The following PREP variants were observed in gnomAD, a reference collection of about 807,000 sequenced individuals.
PREP encodes the protein dJ355L5.1 (prolyl endopeptidase).
PREP carries 29 observed loss-of-function variants against 87.6 expected under a neutral mutation model. The ratio of observed to expected loss-of-function variants is 0.33; its 90% CI spans 0.25 to 0.45. The LOEUF is 0.45. PREP is among the 20% of genes least tolerant of loss of function. The probability of loss-of-function intolerance (pLI) is 1.00; values close to 1 mark genes in which losing one functional copy is unlikely to be tolerated. For missense variants in PREP, 695 were observed against 886.5 expected, an observed-to-expected ratio of 0.78 and a Z score of 2.74; for synonymous variants, 337 against 328.6, an observed-to-expected ratio of 1.03 and a Z score of -0.28.
At chr6:105,344,778 T>C (rs1771754903) in intron 7 of PREP, among the ~76,000 whole-genome samples, 1 of 152,104 alleles carries the variant, frequency 6.6e-6, no homozygotes, top group African/African-American at 2.4e-5. Flanking sequence ...TGTATGAATA[T>C]GTAACAAACC....
intron 6 of PREP, among the ~76,000 whole-genome samples, chr6:105,362,249 T>C (rs1583082249): frequency 6.6e-6 from 1 of 152,070 alleles, no homozygotes; most frequent in African/African-American, 2.4e-5. Flanking sequence ...TCATTTGAGG[T>C]GAGGAGTTCA....
chr6:105,363,672 G>C lies in PREP; in HGVS notation c.717+5231C>G, dbSNP rs577325502. Among the ~76,000 whole-genome samples, 4 of 152,304 alleles carry C rather than the reference G, an allele frequency of 2.6e-5. No homozygotes were observed. In the South Asian group the frequency reaches 8.3e-4, roughly 32 times the overall value. ...GAACACATCCTGTACCTCCAGAACA[G>C]AGTAACCCATGGATATGCCTTCCCC... On this transcript the variant is annotated intron_variant, in intron 6 of 14. Coordinates refer to ENST00000652536, the MANE Select transcript of PREP (RefSeq NM_002726.5).
At chr6:105,392,259 C>T (rs556080456) in intron 2 of PREP, among the ~76,000 whole-genome samples, 5 of 152,022 alleles carry the variant, frequency 3.3e-5, no homozygotes, top group South Asian at 2.1e-4. Context: ...AGGATGGTCT[C>T]GATCTCCTGA....
chr6:105,344,266 C>G (rs187209633), intron 7 of PREP, among the ~76,000 whole-genome samples: 1 of 152,114 alleles, frequency 6.6e-6, no homozygotes, highest in Non-Finnish European at 1.5e-5. Flanking sequence ...CCGAGGCAGG[C>G]GGATCATGAG....
chr6:105,332,285 C>T (rs1485465833), intron 8 of PREP, among the ~76,000 whole-genome samples: 4 of 152,128 alleles, frequency 2.6e-5, no homozygotes, highest in African/African-American at 9.7e-5. Flanking sequence ...CTGGAATCAG[C>T]TGCTCCCCTG....
At chr6:105,374,413 G>GA (rs1405141824) in intron 4 of PREP, among the ~76,000 whole-genome samples, 1 of 151,954 alleles carries the variant, frequency 6.6e-6, no homozygotes, top group Non-Finnish European at 1.5e-5. Flanking sequence ...ATTGGGTAAT[G>GA]AAAATTTTAA....
intron 2 of PREP, among the ~76,000 whole-genome samples, chr6:105,394,940 T>C (rs1352428690): frequency 2.2e-5 from 3 of 135,180 alleles, no homozygotes; most frequent in African/African-American, 3.4e-5. Context: ...AGAAAAGTGC[T>C]TGTTTGGGAC....
intron 2 of PREP, among the ~76,000 whole-genome samples, chr6:105,392,277 A>C (rs1288499635): frequency 6.6e-6 from 1 of 152,030 alleles, no homozygotes; most frequent in Non-Finnish European, 1.5e-5. Context: ...TGACCTCGTG[A>C]TCCGCCCACC....
At chr6:105,327,092 G>A (rs964186955) in intron 9 of PREP, among the ~76,000 whole-genome samples, 9 of 152,126 alleles carry the variant, frequency 5.9e-5, no homozygotes, top group African/African-American at 2.2e-4. Flanking sequence ...TTAAGAGCAG[G>A]TGAGTCACCC....
At chr6:105,373,631 G>A (rs903444050) in intron 4 of PREP, 53 bp from the exon 5 acceptor site, 23 of 1,500,908 alleles carry the variant, frequency 1.5e-5, no homozygotes, top group African/African-American at 1.5e-4. Flanking sequence ...ACAACTCCAC[G>A]GTCCTTTATG....
At chr6:105,331,120 T>G (rs540282408) in intron 8 of PREP, among the ~76,000 whole-genome samples, 3 of 152,358 alleles carry the variant, frequency 2.0e-5, no homozygotes, top group Admixed American at 2.0e-4. Flanking sequence ...GCTCTGACTT[T>G]ACCGCTGTAC....
At chr6:105,309,085 C>A (rs995967762) in intron 10 of PREP, among the ~76,000 whole-genome samples, 1 of 151,612 alleles carries the variant, frequency 6.6e-6, no homozygotes, top group Non-Finnish European at 1.5e-5. Context: ...CTGCAGCAGG[C>A]GGGTGAGGGA....
At chr6:105,316,420 T>C (rs1335467556) in intron 10 of PREP, among the ~76,000 whole-genome samples, 1 of 152,156 alleles carries the variant, frequency 6.6e-6, no homozygotes, top group African/African-American at 2.4e-5. Flanking sequence ...ACAATGACGA[T>C]CGTCACATCA....
At chr6:105,327,245 G>T (rs1399605459) in intron 9 of PREP, among the ~76,000 whole-genome samples, 1 of 152,146 alleles carries the variant, frequency 6.6e-6, no homozygotes, top group Non-Finnish European at 1.5e-5. Flanking sequence ...CTATCTAGAA[G>T]AAATGATTTT....
intron 7 of PREP, 38 bp downstream of exon 7, chr6:105,352,934 T>C: frequency 6.5e-7 from 1 of 1,526,750 alleles, no homozygotes; most frequent in Non-Finnish European, 9.1e-7. Context: ...AAATGAAGTT[T>C]CTTGGAATAA....
intron 7 of PREP, among the ~76,000 whole-genome samples, chr6:105,351,237 G>C (rs982973676): frequency 6.6e-6 from 1 of 152,182 alleles, no homozygotes; most frequent in Non-Finnish European, 1.5e-5. Context: ...GAGTGGGCCT[G>C]ACTCAATCAG....
intron 7 of PREP, among the ~76,000 whole-genome samples, chr6:105,344,515 T>C (rs1254454685): frequency 6.8e-6 from 1 of 146,782 alleles, no homozygotes; most frequent in Non-Finnish European, 1.5e-5. Context: ...AAAGGATGAG[T>C]TCATGTCCTT....
At chr6:105,373,728 C>A (rs1261091707) in intron 4 of PREP, 150 bp from the exon 5 acceptor site, 1 of 798,526 alleles carries the variant, frequency 1.3e-6, no homozygotes, top group Non-Finnish European at 2.0e-6. Context: ...ATCCCGGGGG[C>A]TCAGCCCAAG....
At chr6:105,400,131 T>C (rs1182371040) in intron 1 of PREP, among the ~76,000 whole-genome samples, 1 of 152,170 alleles carries the variant, frequency 6.6e-6, no homozygotes, top group Admixed American at 6.5e-5. Flanking sequence ...TCTAAGACCA[T>C]ACCCTACAAA....
Sources: allele counts gnomAD v4.1 joint callset (sites outside exome capture counted in the v4.1 genomes callset), GRCh38; gene constraint gnomAD v4.1.1; transcripts MANE v1.5; gene names NCBI Gene and HGNC (gene_info 2026-07-23, HGNC 2026-07-21).